ELL: variants seen among roughly 807,000 people sequenced by gnomAD.
ELL encodes the protein elongation factor for RNA polymerase II, also known as RNA polymerase II elongation factor ELL.
A neutral mutation model predicts 64.0 loss-of-function variants in ELL; 18 were observed. That is an observed-to-expected ratio of 0.28 (90% CI 0.19 to 0.42). The LOEUF (loss-of-function observed/expected upper bound fraction) is 0.42, where lower values mean the gene tolerates loss of function less well. Ranked by LOEUF, ELL falls within the 10% of genes least tolerant of loss-of-function variation. ELL has a pLI of 1.00. For missense variants in ELL, 797 were observed against 870.4 expected (o/e 0.92, Z 1.06); for synonymous variants, 399 against 376.2 (o/e 1.06, Z -0.70).
intron 4 of ELL, among the ~76,000 whole-genome samples, chr19:18,464,131 G>A (rs1211284758): frequency 2.0e-5 from 3 of 152,206 alleles, no homozygotes; most frequent in Non-Finnish European, 4.4e-5. Flanking sequence ...CATTGTGGGA[G>A]GCCCAGGCGA....
chr19:18,446,052 C>T, intron 10 of ELL: 1 of 509,678 alleles, frequency 2.0e-6, no homozygotes, highest in Non-Finnish European at 3.5e-6. Flanking sequence ...TCGCCCCCAT[C>T]CAAGGAGGTG....
chr19:18,454,628 G>A (rs1285398937), intron 6 of ELL, among the ~76,000 whole-genome samples: 1 of 151,556 alleles, frequency 6.6e-6, no homozygotes, highest in Non-Finnish European at 1.5e-5. Flanking sequence ...ATTACCTGAG[G>A]TTGGGAGTTC....
chr19:18,506,939 A>T (rs919029573), intron 1 of ELL, among the ~76,000 whole-genome samples: 1 of 152,120 alleles, frequency 6.6e-6, no homozygotes, highest in Admixed American at 6.5e-5. Context: ...ATCTACAAGG[A>T]GCTGGCCTAC....
At chr19:18,487,376 T>C (rs1367756401) in intron 1 of ELL, among the ~76,000 whole-genome samples, 1 of 152,230 alleles carries the variant, frequency 6.6e-6, no homozygotes, top group Admixed American at 6.5e-5. Context: ...CCTTCGTGCT[T>C]GAGGAGCAGC....
intron 1 of ELL, among the ~76,000 whole-genome samples, chr19:18,508,521 C>T (rs573582729): frequency 1.3e-5 from 2 of 152,290 alleles, no homozygotes; most frequent in East Asian, 3.9e-4. Context: ...CTCAACTGGC[C>T]CTGGCCAACA....
rs190641392 is a variant in ELL, at chr19:18,444,703, G to A, written c.*49C>T. ...TTTTTTAAATAAATCCTCTCTCACC[G>A]CCTTTTGCTCCCCCGACCCTCCCAG... On this transcript the variant is annotated 3_prime_UTR_variant, in exon 12 of 12. Coordinates refer to ENST00000262809, the MANE Select transcript of ELL (RefSeq NM_006532.4). 5.8e-5 allele frequency: 88 copies of A among 1,513,054 alleles called. No individual in the cohort carries two copies. In the African/African-American group the frequency reaches 6.1e-4, roughly 10 times the overall value. The allele number at this position is 1,513,054 out of a possible 1,614,324, so 93.7% of individuals were successfully genotyped here. A position where few individuals can be genotyped will look rare whatever the true frequency, so the allele number is the denominator to read the frequency against.
intron 6 of ELL, among the ~76,000 whole-genome samples, chr19:18,454,506 TAAAG>T (rs1265096095): frequency 1.4e-5 from 2 of 147,712 alleles, no homozygotes; most frequent in Admixed American, 1.3e-4. Context: ...TCAAAATAAA[TAAAG>T]AAATAAATAA....
chr19:18,462,367 G>GTGTGTGTGT lies in ELL; in HGVS notation c.470-516_470-515insACACACACA, dbSNP rs1555732683. 1.8e-3 allele frequency among the ~76,000 whole-genome samples: 144 copies of GTGTGTGTGT among 79,376 alleles called. 18 individuals carry two copies. Among genetic ancestry groups the GTGTGTGTGT allele is most frequent in the African/African-American group, 3.6e-3 (54 of 14,908 alleles). 52.1% of individuals were successfully genotyped at this position (79,376 alleles called of 152,430 possible). ...TGTGTGTGTGTGTGTGTGTGTGTTT[G>GTGTGTGTGT]GGCGGGGGGCGGGGGGGGAAGGATT... On this transcript the variant is annotated intron_variant, in intron 4 of 11. Transcript: ENST00000262809.
rs142756577 is a variant in ELL, at chr19:18,514,098, G to A, written c.135+7823C>T. On this transcript the variant is annotated intron_variant, in intron 1 of 11. Coordinates refer to ENST00000262809, the MANE Select transcript of ELL (RefSeq NM_006532.4). ...GGTCCAGCCCTGGAGGATATAATTAGCATCAGACTCTGGGGCCCACTGCCA... is the reference window on the plus strand; with the variant it reads ...GGTCCAGCCCTGGAGGATATAATTAACATCAGACTCTGGGGCCCACTGCCA... Among the ~76,000 whole-genome samples the A allele has an allele frequency of 7.4e-3, 1,134 of 152,298 alleles. 8 individuals carry two copies. The highest frequency in any genetic ancestry group is 0.02 in the Middle Eastern group (6 of 294).
chr19:18,482,892 G>C (rs944634279), intron 1 of ELL, among the ~76,000 whole-genome samples: 2 of 151,888 alleles, frequency 1.3e-5, no homozygotes, highest in Non-Finnish European at 2.9e-5. Context: ...CTGGGCTCAA[G>C]AATCCTCCCA....
intron 1 of ELL, among the ~76,000 whole-genome samples, chr19:18,502,549 T>A (rs1278125206): frequency 6.6e-6 from 1 of 152,072 alleles, no homozygotes; most frequent in Non-Finnish European, 1.5e-5. Flanking sequence ...AACTAAAAGA[T>A]CAAATATCCC....
At position 18,444,598 on chromosome 19, in the gene ELL, C is replaced by A; in HGVS notation, c.*154G>T. 2.6e-6 allele frequency: 2 copies of A among 771,302 alleles called. No individual in the cohort carries two copies. Among genetic ancestry groups the A allele is most frequent in the Non-Finnish European group, 4.0e-6 (2 of 498,960 alleles). 47.8% of individuals were successfully genotyped at this position (771,302 alleles called of 1,614,324 possible). A position where few individuals can be genotyped will look rare whatever the true frequency, so the allele number is the denominator to read the frequency against. ...GAGGGCCGAGGTGGGCTTGCAGCCA[C>A]CCGCCAGGGCCAGACGTCTGCAGGG... On this transcript the variant is annotated 3_prime_UTR_variant, in exon 12 of 12. Coordinates refer to ENST00000262809, the MANE Select transcript of ELL (RefSeq NM_006532.4).
Position 18,522,013 on chromosome 19 carries a change from C to T in ELL, c.43G>A (p.Gly15Arg), listed in dbSNP as rs1018611989. 1.2e-5 allele frequency: 19 copies of T among 1,611,088 alleles called. No individual in the cohort carries two copies. Among genetic ancestry groups the T allele is most frequent in the Non-Finnish European group, 1.5e-5 (18 of 1,178,734 alleles). Reference sequence around the variant, plus strand: ...ACCTTGCTGCCGTCGCTAACCCGCCCGCACGACAGCCCGTAGCTCCTATCC... The same window carrying T: ...ACCTTGCTGCCGTCGCTAACCCGCCTGCACGACAGCCCGTAGCTCCTATCC... ...KEDRSYGLSC[G>R]RVSDGSKVSV... The change falls in exon 1 of 12, where the codon GGG (glycine) becomes AGG (arginine). Residue 15 changes from glycine (G) to arginine (R), a missense_variant. Gly to Arg is a moderately radical substitution (Grantham distance 125, BLOSUM62 -2). Coordinates refer to ENST00000262809, the MANE Select transcript of ELL (RefSeq NM_006532.4).
chr19:18,451,095 G>A (rs753068928), intron 7 of ELL, 120 bp from the exon 8 acceptor site: 3 of 1,349,512 alleles, frequency 2.2e-6, no homozygotes, highest in Non-Finnish European at 2.9e-6. Flanking sequence ...GGCCACATGG[G>A]GGCGCCCGAG....
rs549759800 is a variant in ELL, at chr19:18,516,569, C to A, written c.135+5352G>T. 2.6e-5 allele frequency among the ~76,000 whole-genome samples: 4 copies of A among 152,212 alleles called. No individual in the cohort carries two copies. The East Asian group carries it at 7.7e-4, about 29-fold the overall frequency. ...TCACTGGTGGGTATCCCGCCCTGAG[C>A]CATGGGCACTGACCAGAGGCTCAAT... On this transcript the variant is annotated intron_variant, in intron 1 of 11. Transcript: ENST00000262809.
intron 1 of ELL, among the ~76,000 whole-genome samples, chr19:18,494,227 G>GA (rs901720261): frequency 2.0e-5 from 3 of 146,780 alleles, no homozygotes. Flanking sequence ...ACCCTGCCAC[G>GA]AAAAAAATTT....
chr19:18,487,530 T>G (rs906435810), intron 1 of ELL, among the ~76,000 whole-genome samples: 1 of 152,212 alleles, frequency 6.6e-6, no homozygotes, highest in East Asian at 1.9e-4. Flanking sequence ...ACCAGCCCAC[T>G]TTTAACTTTA....
intron 7 of ELL, 62 bp downstream of exon 7, chr19:18,451,490 T>C: frequency 1.5e-6 from 2 of 1,326,106 alleles, no homozygotes; most frequent in Non-Finnish European, 2.0e-6. Flanking sequence ...CAAGGGTTAC[T>C]GATGCAGCAC....
At chr19:18,509,516 C>G (rs1043260893) in intron 1 of ELL, among the ~76,000 whole-genome samples, 1 of 151,950 alleles carries the variant, frequency 6.6e-6, no homozygotes, top group African/African-American at 2.4e-5. Context: ...TCAGCCTACC[C>G]TGGATAGAGG....
Sources: allele counts gnomAD v4.1 joint callset (sites outside exome capture counted in the v4.1 genomes callset), GRCh38; gene constraint gnomAD v4.1.1; transcripts MANE v1.5; gene names NCBI Gene and HGNC (gene_info 2026-07-23, HGNC 2026-07-21).